RBMS3: variants seen among roughly 807,000 people sequenced by gnomAD.
The protein encoded by RBMS3 is RNA binding motif single stranded interacting protein 3, also known as RNA-binding motif, single-stranded-interacting protein 3.
Under a neutral mutation model 66.8 loss-of-function variants are expected in RBMS3, and 27 were observed. The ratio of observed to expected loss-of-function variants is 0.40; its 90% confidence interval spans 0.30 to 0.56. RBMS3 has a LOEUF of 0.56. RBMS3 is among the 20% of genes least tolerant of loss of function. RBMS3 has a pLI of 0.40. For synonymous variants in RBMS3, 188 were observed against 183.0 expected, an observed-to-expected ratio of 1.03 and a Z score of -0.22; for missense variants, 513 against 549.5, an observed-to-expected ratio of 0.93 and a Z score of 0.66.
At chr3:29,717,779 G>A (rs1442262008) in intron 4 of RBMS3, among the ~76,000 whole-genome samples, 2 of 152,112 alleles carry the variant, frequency 1.3e-5, no homozygotes, top group African/African-American at 4.8e-5. Flanking sequence ...GCAGTAGAAG[G>A]AGAAGCAGAA....
intron 2 of RBMS3, among the ~76,000 whole-genome samples, chr3:29,440,249 C>G (rs985918590): frequency 3.3e-5 from 5 of 152,134 alleles, no homozygotes; most frequent in African/African-American, 1.2e-4. Context: ...CATATTTTAT[C>G]TAACCATTTT....
chr3:29,922,861 T>C (rs2060830280), intron 10 of RBMS3, among the ~76,000 whole-genome samples: 1 of 152,218 alleles, frequency 6.6e-6, no homozygotes, highest in African/African-American at 2.4e-5. Flanking sequence ...TTATAGTCTT[T>C]TCACAGTATT....
intron 10 of RBMS3, among the ~76,000 whole-genome samples, chr3:29,901,708 A>C (rs1040716207): frequency 3.3e-5 from 5 of 151,802 alleles, no homozygotes; most frequent in African/African-American, 1.2e-4. Flanking sequence ...CAGAGCTGAT[A>C]TCGTATCACC....
chr3:29,724,201 A>G (rs934859091), intron 4 of RBMS3, among the ~76,000 whole-genome samples: 1 of 152,192 alleles, frequency 6.6e-6, no homozygotes, highest in African/African-American at 2.4e-5. Flanking sequence ...ATAATTTAAT[A>G]TAACATCTAG....
At chr3:29,466,788 GT>G (rs1000343984) in intron 2 of RBMS3, among the ~76,000 whole-genome samples, 1 of 151,830 alleles carries the variant, frequency 6.6e-6, no homozygotes, top group African/African-American at 2.4e-5. Context: ...TTGGCCTTAT[GT>G]TTTTTTTCTT....
chr3:29,793,796 A>G (rs1038518188), intron 6 of RBMS3, among the ~76,000 whole-genome samples: 2 of 152,212 alleles, frequency 1.3e-5, no homozygotes, highest in Admixed American at 1.3e-4. Context: ...CCCGTTTGAT[A>G]TAGTTTGGAT....
intron 1 of RBMS3, chr3:29,391,188 T>A (rs2039278916): frequency 6.3e-6 from 1 of 159,080 alleles, no homozygotes; most frequent in African/African-American, 2.4e-5. Context: ...CGGCCAACCA[T>A]GTCATTAAAG....
chr3:29,589,669 C>T (rs1296556291), intron 4 of RBMS3, among the ~76,000 whole-genome samples: 1 of 152,016 alleles, frequency 6.6e-6, no homozygotes, highest in East Asian at 1.9e-4. Flanking sequence ...GCATTTTCCT[C>T]CTTTGTCCTG....
chr3:29,965,896 A>G (rs1466241740), intron 12 of RBMS3, among the ~76,000 whole-genome samples: 1 of 152,088 alleles, frequency 6.6e-6, no homozygotes, highest in East Asian at 1.9e-4. Context: ...TCTTGAGTTG[A>G]TTTTTGTATA....
chr3:29,416,200 C>T (rs1206248100), intron 1 of RBMS3, among the ~76,000 whole-genome samples: 1 of 151,912 alleles, frequency 6.6e-6, no homozygotes, highest in Non-Finnish European at 1.5e-5. Context: ...TTCAGAACAC[C>T]TCTTGGTGTG....
chr3:29,551,556 G>A (rs547224677), intron 3 of RBMS3, among the ~76,000 whole-genome samples: 1 of 152,270 alleles, frequency 6.6e-6, no homozygotes, highest in East Asian at 1.9e-4. Flanking sequence ...AGTCTCGATT[G>A]TATGTAAGGT....
chr3:29,804,477 T>C (rs2057482182), intron 6 of RBMS3, among the ~76,000 whole-genome samples: 1 of 152,072 alleles, frequency 6.6e-6, no homozygotes, highest in Admixed American at 6.6e-5. Flanking sequence ...GAACCCTTTA[T>C]GTATTTTAAG....
At chr3:29,412,462 G>A (rs2040304992) in intron 1 of RBMS3, among the ~76,000 whole-genome samples, 1 of 152,098 alleles carries the variant, frequency 6.6e-6, no homozygotes, top group Non-Finnish European at 1.5e-5. Context: ...TCCTCAAGTT[G>A]CCATGTTTTC....
chr3:29,472,414 T>C (rs1000281117), intron 2 of RBMS3, among the ~76,000 whole-genome samples: 3 of 152,134 alleles, frequency 2.0e-5, no homozygotes, highest in Non-Finnish European at 4.4e-5. Flanking sequence ...CAGACTGGTC[T>C]TGAACTCCTG....
At chr3:29,490,291 AT>A (rs2043493791) in intron 3 of RBMS3, among the ~76,000 whole-genome samples, 1 of 151,698 alleles carries the variant, frequency 6.6e-6, no homozygotes, top group South Asian at 2.1e-4. Context: ...ACAAAAAAAA[AT>A]GTAGGCTTTA....
At chr3:29,287,721 T>C (rs1314263399) in intron 1 of RBMS3, among the ~76,000 whole-genome samples, 1 of 152,014 alleles carries the variant, frequency 6.6e-6, no homozygotes, top group East Asian at 1.9e-4. Flanking sequence ...ACCTCTAGCT[T>C]CCTAGAGATA....
At chr3:29,671,311 A>G (rs2050991074) in intron 4 of RBMS3, among the ~76,000 whole-genome samples, 1 of 152,254 alleles carries the variant, frequency 6.6e-6, no homozygotes, top group African/African-American at 2.4e-5. Context: ...AGCTAAAACC[A>G]CAAAGATGGG....
intron 12 of RBMS3, among the ~76,000 whole-genome samples, chr3:29,971,098 T>C (rs563444849): frequency 1.3e-5 from 2 of 152,262 alleles, no homozygotes; most frequent in African/African-American, 4.8e-5. Flanking sequence ...GTGTCTTCTC[T>C]CTTCCCATCT....
chr3:29,802,426 C>T (rs978486279), intron 6 of RBMS3, among the ~76,000 whole-genome samples: 12 of 152,106 alleles, frequency 7.9e-5, no homozygotes, highest in Non-Finnish European at 1.6e-4. Context: ...CCCCAGTTCT[C>T]ACAGCAGAAA....
Sources: allele counts gnomAD v4.1 joint callset (sites outside exome capture counted in the v4.1 genomes callset), GRCh38; gene constraint gnomAD v4.1.1; transcripts MANE v1.5; gene names NCBI Gene and HGNC (gene_info 2026-07-23, HGNC 2026-07-21).